Variants in TENM3 observed in about 807,000 individuals in gnomAD.
TENM3 encodes teneurin transmembrane protein 3, also known as teneurin-3.
In TENM3, 63 loss-of-function variants were observed where a neutral mutation model predicts 255.1. That is an observed-to-expected ratio of 0.25 (90% confidence interval 0.20 to 0.30). TENM3 has a LOEUF of 0.30. Ranked by LOEUF, TENM3 falls within the 10% of genes least tolerant of loss-of-function variation. The probability of loss-of-function intolerance (pLI) is 1.00; values close to 1 mark genes in which losing one functional copy is unlikely to be tolerated. For synonymous variants in TENM3, 1,306 were observed against 1,322.3 expected, an observed-to-expected ratio of 0.99 and a Z score of 0.27; for missense variants, 2,929 against 3,461.1, an observed-to-expected ratio of 0.85 and a Z score of 3.86.
intron 1 of TENM3, among the ~76,000 whole-genome samples, chr4:182,301,176 T>G (rs2150368861): frequency 6.6e-6 from 1 of 152,324 alleles, no homozygotes; most frequent in South Asian, 2.1e-4. Context: ...AATTCTTTAC[T>G]TTGGCAGGAC....
the TENM3 span, among the ~76,000 whole-genome samples, chr4:181,780,346 G>A: frequency 5.9e-5 from 9 of 152,064 alleles, no homozygotes; most frequent in African/African-American, 2.4e-5. Context: ...GTGTGAGATG[G>A]TATCTCATTG....
At chr4:182,716,697 G>A (rs1166532174) in intron 13 of TENM3, among the ~76,000 whole-genome samples, 2 of 152,328 alleles carry the variant, frequency 1.3e-5, no homozygotes, top group East Asian at 3.9e-4. Context: ...AGATGGCAAT[G>A]AAGGATGTCA....
intron 3 of TENM3, among the ~76,000 whole-genome samples, chr4:182,522,193 A>G (rs988631643): frequency 5.9e-5 from 9 of 152,200 alleles, no homozygotes; most frequent in African/African-American, 2.2e-4. Context: ...TGGGAACATT[A>G]TAATTCTTCT....
At chr4:182,401,781 T>C (rs1769228069) in intron 3 of TENM3, among the ~76,000 whole-genome samples, 1 of 152,234 alleles carries the variant, frequency 6.6e-6, no homozygotes, top group African/African-American at 2.4e-5. Flanking sequence ...TATTTTGAGG[T>C]AAAAATTTTA....
chr4:181,877,590 C>G, the TENM3 span, among the ~76,000 whole-genome samples: 30,681 of 152,074 alleles, frequency 0.2, 3,738 homozygotes, highest in South Asian at 0.34. Context: ...TCACTTAAGG[C>G]AAATCCCAAG....
the TENM3 span, among the ~76,000 whole-genome samples, chr4:182,088,506 A>C: frequency 2.0e-5 from 3 of 152,184 alleles, no homozygotes; most frequent in Admixed American, 6.5e-5. Flanking sequence ...CTCTGTACAA[A>C]TGTATTTCAA....
chr4:181,675,159 A>T, the TENM3 span, among the ~76,000 whole-genome samples: 2 of 152,170 alleles, frequency 1.3e-5, no homozygotes, highest in Non-Finnish European at 2.9e-5. Context: ...CAGAAATATT[A>T]TCAAATCAAA....
At chr4:182,368,450 C>T (rs1461609950) in intron 3 of TENM3, among the ~76,000 whole-genome samples, 1 of 152,214 alleles carries the variant, frequency 6.6e-6, no homozygotes, top group Non-Finnish European at 1.5e-5. Context: ...TTTTTATTGT[C>T]GACCTTTGCA....
At chr4:182,254,608 T>G (rs1212848830) in intron 1 of TENM3, among the ~76,000 whole-genome samples, 1 of 152,220 alleles carries the variant, frequency 6.6e-6, no homozygotes, top group African/African-American at 2.4e-5. Flanking sequence ...AATGTTACAC[T>G]GAAAGTAGTA....
chr4:181,612,698 A>C, the TENM3 span, among the ~76,000 whole-genome samples: 6 of 152,064 alleles, frequency 3.9e-5, no homozygotes, highest in East Asian at 1.2e-3. Flanking sequence ...CAGTCTGTTA[A>C]ACCATCGAAT....
At chr4:182,484,430 C>T (rs948494425) in intron 3 of TENM3, among the ~76,000 whole-genome samples, 7 of 152,096 alleles carry the variant, frequency 4.6e-5, no homozygotes, top group East Asian at 1.9e-4. Context: ...CCTTGTTTTC[C>T]CTTTCACAGC....
intron 1 of TENM3, among the ~76,000 whole-genome samples, chr4:182,262,855 A>G (rs922567290): frequency 1.1e-4 from 17 of 151,272 alleles, no homozygotes; most frequent in Non-Finnish European, 2.4e-4. Flanking sequence ...CTGGGACTAC[A>G]GGCACCCACC....
At chr4:181,484,243 G>A in the TENM3 span, among the ~76,000 whole-genome samples, 9 of 151,918 alleles carry the variant, frequency 5.9e-5, no homozygotes, top group Non-Finnish European at 1.3e-4. Flanking sequence ...CCATCATTTT[G>A]CTTGATCACT....
chr4:182,658,904 T>C (rs1455366945), intron 6 of TENM3, among the ~76,000 whole-genome samples: 1 of 152,208 alleles, frequency 6.6e-6, no homozygotes, highest in Non-Finnish European at 1.5e-5. Flanking sequence ...CTTGGGCCTC[T>C]TAGAACATAG....
chr4:182,487,443 A>G (rs371206410), intron 3 of TENM3, among the ~76,000 whole-genome samples: 33 of 152,294 alleles, frequency 2.2e-4, no homozygotes, highest in African/African-American at 7.5e-4. Flanking sequence ...TTTCATTTTC[A>G]TAATGCAAAA....
chr4:182,714,632 A>T (rs968096751), intron 13 of TENM3, among the ~76,000 whole-genome samples: 1 of 152,204 alleles, frequency 6.6e-6, no homozygotes, highest in Non-Finnish European at 1.5e-5. Context: ...GTTGAAAGGC[A>T]TGGATGGAAA....
At chr4:182,738,771 C>G (rs770340581) in intron 18 of TENM3, among the ~76,000 whole-genome samples, 1 of 152,100 alleles carries the variant, frequency 6.6e-6, no homozygotes, top group Admixed American at 6.5e-5. Context: ...ATGAATTGAT[C>G]GCCAAAATGA....
chr4:182,067,180 T>C, the TENM3 span, among the ~76,000 whole-genome samples: 2,208 of 152,244 alleles, frequency 0.015, 45 homozygotes, highest in African/African-American at 0.05. Flanking sequence ...GCCGGCAGCA[T>C]TCCCTCCTTT....
the TENM3 span, among the ~76,000 whole-genome samples, chr4:181,882,205 C>T: frequency 1.3e-5 from 2 of 152,162 alleles, no homozygotes; most frequent in Non-Finnish European, 2.9e-5. Flanking sequence ...TAGAGGGCAT[C>T]TGCTCGACTC....
Sources: allele counts gnomAD v4.1 joint callset (sites outside exome capture counted in the v4.1 genomes callset), GRCh38; gene constraint gnomAD v4.1.1; transcripts MANE v1.5; gene names NCBI Gene and HGNC (gene_info 2026-07-23, HGNC 2026-07-21).